Variants in KCNJ15 observed in about 807,000 individuals in gnomAD.
KCNJ15 encodes potassium inwardly rectifying channel subfamily J member 15.
In KCNJ15, 14 loss-of-function variants were observed where a neutral mutation model predicts 23.0. The observed-to-expected ratio is 0.61, with a 90% confidence interval of 0.40 to 0.95. The LOEUF (loss-of-function observed/expected upper bound fraction) is 0.95. KCNJ15 is among the 40% of genes least tolerant of loss of function. KCNJ15 has a pLI of 0.00. For synonymous variants in KCNJ15, 185 were observed against 183.2 expected (o/e 1.01, Z -0.08); for missense variants, 388 against 461.8 (o/e 0.84, Z 1.46).
At chr21:38,277,297 A>T (rs1477764690) in intron 1 of KCNJ15, among the ~76,000 whole-genome samples, 1 of 152,138 alleles carries the variant, frequency 6.6e-6, no homozygotes, top group Non-Finnish European at 1.5e-5. Flanking sequence ...AAATCCTTGG[A>T]CCTCTTAAAG....
chr21:38,259,721 TG>T (rs1365618771), intron 1 of KCNJ15, among the ~76,000 whole-genome samples: 1 of 152,158 alleles, frequency 6.6e-6, no homozygotes, highest in East Asian at 1.9e-4. Context: ...GTGGGGCTTT[TG>T]GTGCAGCTGA....
At chr21:38,247,381 A>ATGG (rs1979490960) in intron 1 of KCNJ15, among the ~76,000 whole-genome samples, 6 of 101,746 alleles carry the variant, frequency 5.9e-5, no homozygotes, top group Non-Finnish European at 1.1e-4. Flanking sequence ...TGGATGGATG[A>ATGG]ATGGATGTAT....
intron 1 of KCNJ15, among the ~76,000 whole-genome samples, chr21:38,236,333 A>G (rs1601117351): frequency 6.6e-6 from 1 of 152,358 alleles, no homozygotes; most frequent in East Asian, 1.9e-4. Flanking sequence ...TCAAATTCTA[A>G]TTCTATTAGA....
At chr21:38,247,520 AGGTGGATGGATG>A (rs1336905104) in intron 1 of KCNJ15, among the ~76,000 whole-genome samples, 3 of 107,080 alleles carry the variant, frequency 2.8e-5, no homozygotes, top group Non-Finnish European at 5.7e-5. Context: ...ATAGATGCAT[AGGTGGATGGATG>A]GATGGATGGA....
At chr21:38,267,029 T>C (rs1472356275) in intron 1 of KCNJ15, among the ~76,000 whole-genome samples, 3 of 152,098 alleles carry the variant, frequency 2.0e-5, no homozygotes, top group Non-Finnish European at 2.9e-5. Context: ...CAAAGGGTAT[T>C]TTGAGAGACT....
chr21:38,232,144 T>C (rs1978327056), intron 1 of KCNJ15, among the ~76,000 whole-genome samples: 1 of 151,630 alleles, frequency 6.6e-6, no homozygotes, highest in Admixed American at 6.6e-5. Context: ...GAGGTTTTTT[T>C]TTTTTTAAGA....
At chr21:38,253,271 C>T (rs1979961113), upstream of KCNJ15, among the ~76,000 whole-genome samples, 1 of 152,142 alleles carries the variant, frequency 6.6e-6, no homozygotes, top group Non-Finnish European at 1.5e-5. Context: ...TATAATCTAC[C>T]TCCAGACAAG....
At chr21:38,259,385 A>T (rs548899538) in intron 1 of KCNJ15, among the ~76,000 whole-genome samples, 1 of 152,296 alleles carries the variant, frequency 6.6e-6, no homozygotes, top group East Asian at 1.9e-4. Flanking sequence ...TTGAAGGCAT[A>T]TACACCTCCC....
At chr21:38,268,252 A>G (rs1981670054) in intron 1 of KCNJ15, among the ~76,000 whole-genome samples, 1 of 152,212 alleles carries the variant, frequency 6.6e-6, no homozygotes, top group Admixed American at 6.5e-5. Flanking sequence ...AGAACAAGGA[A>G]ACAATGCCAG....
intron 1 of KCNJ15, chr21:38,269,045 G>C (rs914557009): frequency 5.9e-5 from 9 of 152,156 alleles, no homozygotes; most frequent in African/African-American, 2.2e-4. Context: ...ACAAAAGGCA[G>C]GGAAATTCCT....
chr21:38,270,365 G>A (rs913450841), intron 1 of KCNJ15, among the ~76,000 whole-genome samples: 3 of 152,158 alleles, frequency 2.0e-5, no homozygotes, highest in Non-Finnish European at 4.4e-5. Context: ...TGAGCTGAGT[G>A]CATGCAGCTC....
chr21:38,244,202 A>G (rs1022194377), intron 1 of KCNJ15, among the ~76,000 whole-genome samples: 1 of 152,262 alleles, frequency 6.6e-6, no homozygotes, highest in South Asian at 2.1e-4. Context: ...TTGTGGTTAA[A>G]CTGGTTTCGA....
intron 1 of KCNJ15, among the ~76,000 whole-genome samples, chr21:38,259,875 A>T (rs1192016735): frequency 6.6e-6 from 1 of 152,170 alleles, no homozygotes; most frequent in Non-Finnish European, 1.5e-5. Context: ...TCCTGGTGCC[A>T]GTTTTGCAGA....
At chr21:38,237,946 T>TG (rs1438133236) in intron 1 of KCNJ15, among the ~76,000 whole-genome samples, 1 of 100,128 alleles carries the variant, frequency 1.0e-5, no homozygotes, top group Non-Finnish European at 2.1e-5. Context: ...ACACACAAGC[T>TG]AAAAACAACA....
At chr21:38,282,632 T>C (rs927473590) in intron 1 of KCNJ15, among the ~76,000 whole-genome samples, 14 of 152,134 alleles carry the variant, frequency 9.2e-5, no homozygotes, top group African/African-American at 2.9e-4. Context: ...ACCTAGAACG[T>C]TGGGCATCAT....
rs1339230640 is a variant in KCNJ15 at position 38,268,449 on chromosome 21, C to T, written c.-117+11264C>T. Among the ~76,000 whole-genome samples, 3 of 147,364 alleles carry T rather than the reference C, an allele frequency of 2.0e-5. No individual in the cohort carries two copies. The East Asian group carries it at 6.0e-4, about 30-fold the overall frequency. On this transcript the variant is annotated intron_variant, in intron 1 of 2. Transcript: ENST00000398938. ...GGTGGATTTTTTAAAAAAAATATTA[C>T]AGCCTAAATTTTCTTAGCAAAAGTC...
intron 1 of KCNJ15, among the ~76,000 whole-genome samples, chr21:38,269,346 T>A (rs1265625137): frequency 4.6e-5 from 7 of 152,200 alleles, no homozygotes; most frequent in Non-Finnish European, 7.3e-5. Context: ...CGTTATACCC[T>A]ATAGCCACTC....
chr21:38,294,555 G>A (rs113596257), intron 1 of KCNJ15, among the ~76,000 whole-genome samples: 2,712 of 152,274 alleles, frequency 0.018, 30 homozygotes, highest in Non-Finnish European at 0.029. Context: ...GTTTTCTCGA[G>A]ATGGGCAAAT....
chr21:38,286,262 A>AAAAC lies in KCNJ15; in HGVS notation c.-116-10648_-116-10645dup, dbSNP rs893916887. ...CGTCTCAAACAAAAAAACAAAAACA[A>AAAAC]AAACAAACAAACAAACAAAAATCCA... On this transcript the variant is annotated intron_variant, in intron 1 of 2. Coordinates refer to ENST00000398938, the MANE Select transcript of KCNJ15 (RefSeq NM_170736.3). Among the ~76,000 whole-genome samples the AAAAC allele has an allele frequency of 1.7e-3, 266 of 152,312 alleles. 1 individual carries two copies. The highest frequency in any genetic ancestry group is 6.0e-3 in the African/African-American group (250 of 41,568).
Sources: allele counts gnomAD v4.1 joint callset (sites outside exome capture counted in the v4.1 genomes callset), GRCh38; gene constraint gnomAD v4.1.1; transcripts MANE v1.5; gene names NCBI Gene and HGNC (gene_info 2026-07-23, HGNC 2026-07-21).